Variants in PTPRD observed in about 807,000 individuals in gnomAD.
PTPRD encodes the protein receptor-type tyrosine-protein phosphatase delta.
Under a neutral mutation model 214.5 loss-of-function variants are expected in PTPRD, and 34 were observed. The ratio of observed to expected loss-of-function variants is 0.16; its 90% confidence interval spans 0.12 to 0.21. PTPRD has a LOEUF of 0.21. PTPRD is among the 10% of genes least tolerant of loss of function. The probability of loss-of-function intolerance (pLI) is 1.00; values close to 1 mark genes in which losing one functional copy is unlikely to be tolerated. For missense variants in PTPRD, 2,545 were observed against 2,398.7 expected (o/e 1.06, Z -1.27); for synonymous variants, 1,128 against 845.7 (o/e 1.33, Z -5.79).
chr9:9,258,854 T>A (rs1340699215), intron 9 of PTPRD, among the ~76,000 whole-genome samples: 1 of 151,932 alleles, frequency 6.6e-6, no homozygotes, highest in Non-Finnish European at 1.5e-5. Context: ...GAATTTTGTG[T>A]GTAAATCAAT....
At chr9:8,849,046 A>G (rs2097762042) in intron 11 of PTPRD, among the ~76,000 whole-genome samples, 1 of 152,166 alleles carries the variant, frequency 6.6e-6, no homozygotes, top group African/African-American at 2.4e-5. Context: ...AAAATTAATG[A>G]AATTTTTCCC....
chr9:9,393,180 A>G (rs12352958), intron 9 of PTPRD, among the ~76,000 whole-genome samples: 22,088 of 151,584 alleles, frequency 0.15, 1,731 homozygotes, highest in Non-Finnish European at 0.18. Context: ...AACTGAGAAG[A>G]AAGCCCTGCA....
chr9:9,029,447 G>A (rs1298010670), intron 10 of PTPRD, among the ~76,000 whole-genome samples: 1 of 151,722 alleles, frequency 6.6e-6, no homozygotes, highest in East Asian at 1.9e-4. Context: ...GTGGCAATGG[G>A]AAAAATTGGG....
intron 9 of PTPRD, among the ~76,000 whole-genome samples, chr9:9,354,364 G>T (rs1320795828): frequency 6.6e-6 from 1 of 151,696 alleles, no homozygotes; most frequent in African/African-American, 2.4e-5. Context: ...TCAGTTCAAA[G>T]GAAGATTTTA....
intron 11 of PTPRD, among the ~76,000 whole-genome samples, chr9:8,750,044 G>C (rs545305713): frequency 5.3e-5 from 8 of 151,852 alleles, no homozygotes; most frequent in African/African-American, 1.9e-4. Flanking sequence ...GGAGGTTGCA[G>C]TGAGCCAAGC....
intron 2 of PTPRD, among the ~76,000 whole-genome samples, chr9:10,368,654 C>T (rs2097557263): frequency 6.6e-6 from 1 of 151,908 alleles, no homozygotes; most frequent in Non-Finnish European, 1.5e-5. Flanking sequence ...GCTGTGATTA[C>T]TAGATATTAA....
intron 44 of PTPRD, among the ~76,000 whole-genome samples, chr9:8,325,803 GT>G (rs199722748): frequency 8.1e-5 from 9 of 111,664 alleles, no homozygotes; most frequent in African/African-American, 6.7e-4. Context: ...CACATTCCTT[GT>G]TAAGTTGGAC....
At chr9:9,774,038 G>A (rs1187496707) in intron 5 of PTPRD, among the ~76,000 whole-genome samples, 1 of 152,176 alleles carries the variant, frequency 6.6e-6, no homozygotes, top group East Asian at 1.9e-4. Flanking sequence ...ACTCATGCAG[G>A]TAAGTGGACA....
intron 2 of PTPRD, among the ~76,000 whole-genome samples, chr9:10,578,154 C>A (rs372026865): frequency 8.5e-5 from 13 of 152,086 alleles, no homozygotes; most frequent in African/African-American, 2.9e-4. Flanking sequence ...AGGTGATCCA[C>A]CTGCCTCGGC....
intron 7 of PTPRD, among the ~76,000 whole-genome samples, chr9:9,595,312 T>TATATATATATA (rs2093217517): frequency 1.2e-5 from 1 of 81,682 alleles, no homozygotes; most frequent in African/African-American, 3.0e-5. Flanking sequence ...ATATATATAT[T>TATATATATATA]ATATATATTT....
At chr9:9,773,415 A>G (rs1467858618) in intron 5 of PTPRD, among the ~76,000 whole-genome samples, 1 of 152,138 alleles carries the variant, frequency 6.6e-6, no homozygotes, top group African/African-American at 2.4e-5. Context: ...GCTTCTCTCT[A>G]ATATATACAT....
At chr9:8,966,469 A>G (rs1466305074) in intron 11 of PTPRD, among the ~76,000 whole-genome samples, 1 of 151,988 alleles carries the variant, frequency 6.6e-6, no homozygotes, top group East Asian at 1.9e-4. Context: ...ACCTACATCC[A>G]TCTGATATTC....
intron 26 of PTPRD, among the ~76,000 whole-genome samples, chr9:8,493,980 A>G (rs1315718822): frequency 7.5e-6 from 1 of 133,594 alleles, no homozygotes. Context: ...ACACATGCGC[A>G]CACACACAGA....
rs1056996443 is a variant in PTPRD at position 10,091,059 on chromosome 9, G to A, written c.-544-57269C>T. Reference sequence around the variant, plus strand: ...ATACATCATTTCCATAATTATACCTGGTATATGTAAAACAAATAATGGCAG... The same window carrying A: ...ATACATCATTTCCATAATTATACCTAGTATATGTAAAACAAATAATGGCAG... On this transcript the variant is annotated intron_variant, in intron 3 of 45. Coordinates refer to ENST00000381196, the MANE Select transcript of PTPRD (RefSeq NM_002839.4). Among the ~76,000 whole-genome samples, 8 of 149,540 alleles carry A rather than the reference G, an allele frequency of 5.3e-5. No individual in the cohort carries two copies. The East Asian group carries it at 1.6e-3, about 30-fold the overall frequency.
intron 4 of PTPRD, among the ~76,000 whole-genome samples, chr9:9,987,984 T>C (rs1450618644): frequency 1.3e-5 from 2 of 152,320 alleles, no homozygotes; most frequent in Admixed American, 6.5e-5. Flanking sequence ...AGTTTCATTA[T>C]AATCGAGTCA....
intron 7 of PTPRD, among the ~76,000 whole-genome samples, chr9:9,616,202 T>C (rs1235721542): frequency 1.3e-5 from 2 of 152,198 alleles, no homozygotes; most frequent in Non-Finnish European, 2.9e-5. Flanking sequence ...CATTTAAATT[T>C]CAAATGAAAT....
chr9:9,366,682 G>A (rs1350955588), intron 9 of PTPRD, among the ~76,000 whole-genome samples: 7 of 151,436 alleles, frequency 4.6e-5, no homozygotes, highest in Admixed American at 1.3e-4. Flanking sequence ...ATTTGACACT[G>A]ATTTTAGTAA....
In PTPRD at chr9:8,353,817, A is replaced by AAATGTATGT. The variant is rs1381526587; in HGVS notation, c.4662-11840_4662-11839insACATACATT. On this transcript the variant is annotated intron_variant, in intron 39 of 45. Coordinates refer to ENST00000381196, the MANE Select transcript of PTPRD (RefSeq NM_002839.4). The stretch of plus-strand genomic sequence containing the variant: ...AATTTGAGACTCCTTCTCAAAAAAA[A>AAATGTATGT]ATATATGTATATATGTATATATGTA... 7.4e-4 allele frequency among the ~76,000 whole-genome samples: 73 copies of AAATGTATGT among 98,554 alleles called. 1 individual carries two copies. Among genetic ancestry groups the AAATGTATGT allele is most frequent in the African/African-American group, 4.6e-3 (68 of 14,842 alleles). The allele number at this position is 98,554 out of a possible 152,430, so 64.7% of individuals were successfully genotyped here.
At chr9:10,309,147 C>T (rs994230392) in intron 3 of PTPRD, among the ~76,000 whole-genome samples, 9 of 152,102 alleles carry the variant, frequency 5.9e-5, no homozygotes, top group Middle Eastern at 3.4e-3. Flanking sequence ...TCAGAGATGA[C>T]GGATTTCATC....
Sources: allele counts gnomAD v4.1 joint callset (sites outside exome capture counted in the v4.1 genomes callset), GRCh38; gene constraint gnomAD v4.1.1; transcripts MANE v1.5; gene names NCBI Gene and HGNC (gene_info 2026-07-23, HGNC 2026-07-21).